PEX11A: variants seen among roughly 807,000 people sequenced by gnomAD.
PEX11A encodes peroxisomal biogenesis factor 11 alpha.
Under a neutral mutation model 14.4 loss-of-function variants are expected in PEX11A, and 13 were observed. The observed-to-expected ratio is 0.90, with a 90% CI of 0.59 to 1.43. PEX11A has a LOEUF of 1.43. Among genes scored for constraint, PEX11A ranks in the 40% most tolerant of loss-of-function variants. PEX11A has a pLI of 0.00. For missense variants in PEX11A, 290 were observed against 302.8 expected (o/e 0.96, Z 0.31); for synonymous variants, 101 against 113.0 (o/e 0.89, Z 0.67).
chr15:89,684,891 C>T (rs773241008), intron 2 of PEX11A, among the ~76,000 whole-genome samples: 4 of 152,026 alleles, frequency 2.6e-5, no homozygotes, highest in African/African-American at 4.8e-5. Flanking sequence ...TCTCAGAAAA[C>T]TTATAATCTC....
chr15:89,682,763 T>C lies in PEX11A; in HGVS notation c.*614A>G, dbSNP rs1168195170. 6.6e-6 allele frequency: 1 copy of C among 152,420 alleles called. No individual in the cohort carries two copies. The highest frequency in any genetic ancestry group is 2.4e-5 in the African/African-American group (1 of 41,476). The allele number at this position is 152,420 out of a possible 1,614,324, so 9.4% of individuals were successfully genotyped here. On this transcript the variant is annotated 3_prime_UTR_variant, in exon 3 of 3. Transcript: ENST00000300056. ...TTTATAAGTCCCTCCGGTCTGCTTC[T>C]GATTTTTGCTTATTCACTGCACCCA...
At chr15:89,686,284 C>A in intron 2 of PEX11A, 147 bp downstream of exon 2, 1 of 582,842 alleles carries the variant, frequency 1.7e-6, no homozygotes, top group Non-Finnish European at 3.1e-6. Flanking sequence ...ACCTGTTGTG[C>A]CATGAGGACA....
chr15:89,685,455 C>G (rs1356779308), intron 2 of PEX11A, among the ~76,000 whole-genome samples: 3 of 151,690 alleles, frequency 2.0e-5, no homozygotes, highest in African/African-American at 7.3e-5. Context: ...GCCTTCAGTG[C>G]CATCCAGAAA....
intron 2 of PEX11A, among the ~76,000 whole-genome samples, chr15:89,686,173 G>A (rs915312561): frequency 2.6e-5 from 4 of 152,184 alleles, no homozygotes; most frequent in African/African-American, 9.7e-5. Context: ...GAACTAACAC[G>A]TTGTCTGTCT....
intron 1 of PEX11A, 59 bp downstream of exon 1, chr15:89,690,518 T>C (rs969206047): frequency 1.8e-5 from 23 of 1,307,066 alleles, no homozygotes; most frequent in African/African-American, 2.9e-5. Flanking sequence ...TGCAGGGGAA[T>C]AGGCACGGGA....
intron 1 of PEX11A, among the ~76,000 whole-genome samples, chr15:89,689,099 T>A (rs1191544740): frequency 6.6e-6 from 1 of 152,214 alleles, no homozygotes; most frequent in Admixed American, 6.5e-5. Context: ...TTCTATTTAA[T>A]GAAATTTCTA....
intron 1 of PEX11A, 142 bp from the exon 2 acceptor site, chr15:89,686,688 A>G: frequency 1.7e-6 from 1 of 573,810 alleles, no homozygotes; most frequent in Non-Finnish European, 3.1e-6. Context: ...ACAAAAGCAA[A>G]ATTCTGCAAC....
intron 1 of PEX11A, among the ~76,000 whole-genome samples, chr15:89,689,393 A>G (rs1370705055): frequency 6.6e-6 from 1 of 152,236 alleles, no homozygotes; most frequent in African/African-American, 2.4e-5. Flanking sequence ...GGCTTCCAAA[A>G]GCCTCATTAT....
chr15:89,683,644 T>G lies in PEX11A; in HGVS notation c.477A>C (p.Ser159=), dbSNP rs748161828. 6.2e-7 allele frequency: 1 copy of G among 1,614,222 alleles called. No individual in the cohort carries two copies. The highest frequency in any genetic ancestry group is 8.5e-7 in the Non-Finnish European group (1 of 1,180,038). Residue 159 remains serine (S), a synonymous_variant, in exon 3 of 3, where the codon TCA becomes TCC. Coordinates refer to ENST00000300056, the MANE Select transcript of PEX11A (RefSeq NM_003847.3). ...TGAACCAAAGAGGATCCTGGGATGC[T>G]GATTTCTCTTTCTTTGCCCTGTCAC... ...VTCDRAKKEK[S]ASQDPLWFSV...
In PEX11A at chr15:89,683,986, T is replaced by C. The variant is rs1469437873; in HGVS notation, c.173-38A>G. 5.0e-6 allele frequency: 7 copies of C among 1,391,512 alleles called. No homozygotes were observed. The African/African-American group carries it at 9.9e-5, about 20-fold the overall frequency. The allele number at this position is 1,391,512 out of a possible 1,614,324, so 86.2% of individuals were successfully genotyped here. A position where few individuals can be genotyped will look rare whatever the true frequency, so the allele number is the denominator to read the frequency against. On this transcript the variant is annotated intron_variant, in intron 2 of 2. Coordinates refer to ENST00000300056, the MANE Select transcript of PEX11A (RefSeq NM_003847.3). ...CCCACAATAGTGAACAGTTATTTCA[T>C]TAGTACACAACAGGAAGATAGAATC...
intron 1 of PEX11A, among the ~76,000 whole-genome samples, chr15:89,687,124 A>T (rs1964689845): frequency 1.3e-5 from 2 of 152,014 alleles, no homozygotes; most frequent in Admixed American, 6.6e-5. Context: ...GGGTTGTGCC[A>T]TTTTGGTCAT....
rs939085243 is a variant in PEX11A, at chr15:89,683,043, C to T, written c.*334G>A. On this transcript the variant is annotated 3_prime_UTR_variant, in exon 3 of 3. Transcript: ENST00000300056. The stretch of plus-strand genomic sequence containing the variant: ...GTATACTGGTGTTCAATGATCAGTG[C>T]GATTGGGTCTTTTTAAATTTTTTCC... The T allele has an allele frequency of 1.1e-5, 3 of 263,512 alleles. No homozygotes were observed. Among genetic ancestry groups the T allele is most frequent in the East Asian group, 8.7e-5 (1 of 11,450 alleles). The allele number at this position is 263,512 out of a possible 1,614,324, so 16.3% of individuals were successfully genotyped here.
At chr15:89,687,929 T>C (rs1387014320) in intron 1 of PEX11A, 1 of 506,502 alleles carries the variant, frequency 2.0e-6, no homozygotes, top group East Asian at 4.9e-5. Context: ...CAAAAGATGA[T>C]ACTTAGAACT....
At chr15:89,687,049 G>A (rs909681721) in intron 1 of PEX11A, among the ~76,000 whole-genome samples, 6 of 151,902 alleles carry the variant, frequency 3.9e-5, no homozygotes, top group African/African-American at 1.2e-4. Flanking sequence ...TCAGCCTCCC[G>A]AGTAGCTGGG....
intron 1 of PEX11A, among the ~76,000 whole-genome samples, chr15:89,688,560 T>C (rs983731306): frequency 6.6e-6 from 1 of 151,230 alleles, no homozygotes; most frequent in Admixed American, 6.6e-5. Context: ...GCCCAGCTAA[T>C]TTTTGCATAT....
rs1323668563 is a variant in PEX11A at position 89,690,586 on chromosome 15, C to A, written c.47G>T (p.Arg16Leu). Reference sequence around the variant, plus strand: ...CTGGCACCTGACTCACCTGAAGAGTCGGTCCCGGCCCTGGGTCTGGTTGGT... The same window carrying A: ...CTGGCACCTGACTCACCTGAAGAGTAGGTCCCGGCCCTGGGTCTGGTTGGT... ...RFTNQTQGRDRLFRATQYTCM... is the reference protein window; with the variant it reads ...RFTNQTQGRDLLFRATQYTCM... Residue 16 changes from arginine to leucine, a missense_variant, in exon 1 of 3, where the codon CGA becomes CTA. Transcript: ENST00000300056. 1 of 1,551,104 alleles carries A rather than the reference C, an allele frequency of 6.4e-7. No individual in the cohort carries two copies. Among genetic ancestry groups the A allele is most frequent in the Non-Finnish European group, 8.7e-7 (1 of 1,146,786 alleles).
chr15:89,690,416 A>G (rs1964806324), intron 1 of PEX11A, among the ~76,000 whole-genome samples, 161 bp downstream of exon 1: 1 of 152,096 alleles, frequency 6.6e-6, no homozygotes, highest in African/African-American at 2.4e-5. Context: ...AATTTAGGGT[A>G]AGGAGGGGCT....
chr15:89,690,435 A>T, intron 1 of PEX11A, 142 bp downstream of exon 1: 1 of 623,632 alleles, frequency 1.6e-6, no homozygotes, highest in Non-Finnish European at 2.8e-6. Context: ...CTCGGATACT[A>T]AACTCCCTCC....
chr15:89,686,381 T>A, intron 2 of PEX11A, 50 bp downstream of exon 2: 1 of 820,296 alleles, frequency 1.2e-6, no homozygotes. Context: ...GGTCTGAGGC[T>A]GAGGATTCTA....
Sources: allele counts gnomAD v4.1 joint callset (sites outside exome capture counted in the v4.1 genomes callset), GRCh38; gene constraint gnomAD v4.1.1; transcripts MANE v1.5; gene names NCBI Gene and HGNC (gene_info 2026-07-23, HGNC 2026-07-21).